The following CDH13 variants were observed in gnomAD, a reference collection of about 807,000 sequenced individuals.
CDH13 encodes the protein cadherin 13.
Under a neutral mutation model 63.8 loss-of-function variants are expected in CDH13, and 24 were observed. That is an observed-to-expected ratio of 0.38 (90% CI 0.27 to 0.53). The LOEUF (loss-of-function observed/expected upper bound fraction) is 0.53. CDH13 is among the 20% of genes least tolerant of loss of function. CDH13 has a pLI of 0.85. For missense variants in CDH13, 1,049 were observed against 903.1 expected (o/e 1.16, Z -2.07); for synonymous variants, 503 against 355.3 (o/e 1.42, Z -4.67).
chr16:83,655,240 A>C (rs559836038), intron 8 of CDH13: 6 of 152,124 alleles, frequency 3.9e-5, no homozygotes, highest in Non-Finnish European at 8.8e-5. Flanking sequence ...GCAGGTACCC[A>C]CTTCTTAGGA....
intron 6 of CDH13, among the ~76,000 whole-genome samples, chr16:83,447,096 C>CTTTTTTTTTTCT (rs2072721869): frequency 2.4e-5 from 1 of 41,526 alleles, no homozygotes; most frequent in Non-Finnish European, 4.7e-5. Flanking sequence ...TTATAGTAAC[C>CTTTTTTTTTTCT]TTTTTTTTTT....
At chr16:83,486,113 G>A (rs1315302109) in intron 6 of CDH13, among the ~76,000 whole-genome samples, 3 of 151,966 alleles carry the variant, frequency 2.0e-5, no homozygotes, top group Non-Finnish European at 2.9e-5. Flanking sequence ...GCTGCACTCC[G>A]GCTTGGGTGA....
intron 1 of CDH13, among the ~76,000 whole-genome samples, chr16:82,663,616 A>G (rs112231218): frequency 3.3e-5 from 5 of 152,308 alleles, no homozygotes; most frequent in East Asian, 1.9e-4. Context: ...GTTCAAAAGC[A>G]TCTTGCTTTG....
chr16:83,223,110 T>C (rs2039746336), intron 5 of CDH13, among the ~76,000 whole-genome samples: 1 of 152,114 alleles, frequency 6.6e-6, no homozygotes, highest in South Asian at 2.1e-4. Flanking sequence ...ATAGTCCATT[T>C]TGTACTGCTG....
chr16:82,751,598 A>G (rs2034418177), intron 1 of CDH13, among the ~76,000 whole-genome samples: 1 of 152,130 alleles, frequency 6.6e-6, no homozygotes, highest in East Asian at 1.9e-4. Flanking sequence ...GGTTCCTGGA[A>G]AGGTCAGACT....
chr16:83,161,725 T>C (rs1193056674), intron 4 of CDH13, among the ~76,000 whole-genome samples: 1 of 152,172 alleles, frequency 6.6e-6, no homozygotes, highest in Non-Finnish European at 1.5e-5. Flanking sequence ...ATTCTTGTCT[T>C]ACCCATCCGT....
At chr16:83,357,546 C>T (rs927868326) in intron 6 of CDH13, among the ~76,000 whole-genome samples, 4 of 152,094 alleles carry the variant, frequency 2.6e-5, no homozygotes, top group Non-Finnish European at 4.4e-5. Context: ...ATTTCAGACA[C>T]CATGGAGCAG....
At chr16:82,931,805 G>A (rs116713916) in intron 2 of CDH13, among the ~76,000 whole-genome samples, 1 of 152,074 alleles carries the variant, frequency 6.6e-6, no homozygotes, top group African/African-American at 2.4e-5. Context: ...CAGTATGGAG[G>A]AAACCATCCC....
In CDH13 at chr16:83,466,159, G is replaced by A. The variant is rs570112294; in HGVS notation, c.782-20318G>A. ...ATCACCCGTCCTAGCTGGGAGCCAC[G>A]TGACGTTACGCTGTTTCCGTTTAAG... On this transcript the variant is annotated intron_variant, in intron 6 of 13. Transcript: ENST00000567109. Among the ~76,000 whole-genome samples the A allele has an allele frequency of 3.3e-5, 5 of 152,298 alleles. No homozygotes were observed. In the South Asian group the frequency reaches 6.2e-4, roughly 19 times the overall value.
chr16:83,325,923 C>T (rs934270574), intron 5 of CDH13, among the ~76,000 whole-genome samples: 13 of 152,166 alleles, frequency 8.5e-5, no homozygotes, highest in African/African-American at 2.7e-4. Flanking sequence ...AATGTCCCTT[C>T]TTCTCATCCA....
chr16:83,145,088 C>T (rs773547459), intron 4 of CDH13, among the ~76,000 whole-genome samples: 64 of 152,310 alleles, frequency 4.2e-4, no homozygotes, highest in Middle Eastern at 3.4e-3. Flanking sequence ...TTTTGGGTCT[C>T]CATCCATATG....
chr16:82,830,971 C>G (rs1234322349), intron 1 of CDH13, among the ~76,000 whole-genome samples: 1 of 152,106 alleles, frequency 6.6e-6, no homozygotes. Flanking sequence ...GGGTGCTTAG[C>G]AAATCTTCCG....
At chr16:83,010,135 C>CATAAAAAAAA (rs1913977049) in intron 2 of CDH13, among the ~76,000 whole-genome samples, 1 of 50,118 alleles carries the variant, frequency 2.0e-5, no homozygotes. Context: ...AACTCTGTCT[C>CATAAAAAAAA]AAAAAAAAAA....
At chr16:83,022,801 T>C (rs1915464917) in intron 2 of CDH13, among the ~76,000 whole-genome samples, 1 of 152,176 alleles carries the variant, frequency 6.6e-6, no homozygotes. Flanking sequence ...ACATGCAAAC[T>C]CTAGGACAAT....
At chr16:82,768,761 A>T (rs2035154743) in intron 1 of CDH13, among the ~76,000 whole-genome samples, 4 of 152,020 alleles carry the variant, frequency 2.6e-5, no homozygotes, top group Admixed American at 6.6e-5. Context: ...TCAGGCTCTG[A>T]CCTCTTGTTT....
intron 6 of CDH13, among the ~76,000 whole-genome samples, chr16:83,370,672 T>C (rs2091350801): frequency 6.6e-6 from 1 of 152,182 alleles, no homozygotes; most frequent in Non-Finnish European, 1.5e-5. Context: ...CTTCTTCGTG[T>C]TCTTGTGTAC....
chr16:83,038,584 C>T (rs894501905), intron 3 of CDH13, among the ~76,000 whole-genome samples: 1 of 152,128 alleles, frequency 6.6e-6, no homozygotes, highest in Non-Finnish European at 1.5e-5. Flanking sequence ...GACTTTTCCC[C>T]ACCAAATCTG....
intron 6 of CDH13, among the ~76,000 whole-genome samples, chr16:83,467,456 G>A (rs535257004): frequency 1.4e-4 from 22 of 152,120 alleles, no homozygotes; most frequent in Non-Finnish European, 1.9e-4. Flanking sequence ...CTGGAGTGCA[G>A]ACATCTTGAG....
In CDH13 at chr16:83,032,046, G is replaced by C; in HGVS notation, c.194G>C (p.Arg65Pro). 6.2e-7 allele frequency: 1 copy of C among 1,606,272 alleles called. No individual in the cohort carries two copies. Among genetic ancestry groups the C allele is most frequent in the Non-Finnish European group, 8.5e-7 (1 of 1,176,500 alleles). Residue 65 changes from arginine to proline, a missense_variant, in exon 3 of 14, where the codon CGC (arginine) becomes CCC (proline). Arg to Pro is a moderately radical substitution (Grantham distance 103). Transcript: ENST00000567109. Reference sequence around the variant, plus strand: ...GACTGTAAGGGAAACGACAAGCTACGCTATGAGGTCTCGAGCCCATACTTC... The same window carrying C: ...GACTGTAAGGGAAACGACAAGCTACCCTATGAGGTCTCGAGCCCATACTTC... ...FSDCKGNDKL[R>P]YEVSSPYFKV...
Sources: gnomAD v4.1 joint callset for allele counts (sites outside exome capture counted in the v4.1 genomes callset) on GRCh38, gnomAD v4.1.1 for gene constraint, MANE v1.5 for transcripts, NCBI Gene and HGNC (gene_info 2026-07-23, HGNC 2026-07-21) for gene names.